Variants in ATRX observed in about 807,000 individuals in gnomAD.
ATRX encodes ATRX chromatin remodeler.
Under a neutral mutation model 172.6 loss-of-function variants are expected in ATRX, and 12 were observed. That is an observed-to-expected ratio of 0.07 (90% CI 0.04 to 0.11). The LOEUF is 0.11. ATRX is among the 10% of genes least tolerant of loss of function. ATRX has a pLI of 1.00. For missense variants in ATRX, 1,368 were observed against 1,767.4 expected (o/e 0.77, Z 4.05); for synonymous variants, 674 against 594.7 (o/e 1.13, Z -1.94).
chrX:77,651,326 C>G (rs1557116751), intron 15 of ATRX, among the ~76,000 whole-genome samples: 1 of 105,818 alleles, frequency 9.5e-6, no homozygotes, highest in Admixed American at 1.0e-4. Context: ...ATATTATTCT[C>G]TCCACCTGTG....
Position 77,656,612 on chromosome X carries a change from C to T in ATRX, c.4162G>A (p.Gly1388Arg). The change falls in exon 13 of 35, where the codon GGA becomes AGA. Residue 1388 changes from glycine (G) to arginine (R), a missense_variant. Physicochemically the swap from Gly to Arg is moderately radical, Grantham distance 125. Around this residue, in one of 17 missense-constraint regions of ATRX, gnomAD observed 119 missense variants for 131.3 expected, o/e 0.91. Transcript: ENST00000373344. ...GATTCACTAACTTCTTCACTAACTC[C>T]TGATTCCTGAAAATCAGAATCTTCT... ...DSEDSDFQES[G>R]VSEEVSESED... 8.3e-7 allele frequency: 1 copy of T among 1,206,913 alleles called. No homozygotes were observed. The highest frequency in any genetic ancestry group is 2.2e-5 in the Admixed American group (1 of 45,929).
chrX:77,719,575 AACAG>A (rs1452814395), intron 1 of ATRX, among the ~76,000 whole-genome samples: 1 of 111,726 alleles, frequency 9.0e-6, no homozygotes, highest in Non-Finnish European at 1.9e-5. Context: ...CAAAGATCAA[AACAG>A]ACAAAGAAGG....
intron 30 of ATRX, among the ~76,000 whole-genome samples, chrX:77,529,325 G>A (rs931070206): frequency 2.7e-5 from 3 of 111,075 alleles, no homozygotes; most frequent in East Asian, 2.8e-4. Flanking sequence ...GATATTCCAC[G>A]AGAAGATCAA....
chrX:77,687,945 G>C (rs1303798763), intron 7 of ATRX, among the ~76,000 whole-genome samples: 1 of 111,513 alleles, frequency 9.0e-6, no homozygotes, highest in African/African-American at 3.3e-5. Flanking sequence ...TAGGTAGGTA[G>C]GTAGTTACTG....
intron 1 of ATRX, among the ~76,000 whole-genome samples, chrX:77,765,511 T>A (rs1041067944): frequency 9.0e-6 from 1 of 111,248 alleles, no homozygotes; most frequent in Non-Finnish European, 1.9e-5. Context: ...ACAGAAGTGT[T>A]ATAAAATACA....
intron 34 of ATRX, among the ~76,000 whole-genome samples, chrX:77,514,618 T>C (rs919086421): frequency 7.1e-5 from 8 of 112,345 alleles, no homozygotes; most frequent in Non-Finnish European, 1.5e-4. Context: ...TCAAGATGCA[T>C]TCAATACTTA....
chrX:77,542,584 T>C (rs2064050575), intron 30 of ATRX, among the ~76,000 whole-genome samples: 1 of 111,692 alleles, frequency 9.0e-6, no homozygotes, highest in South Asian at 3.8e-4. Flanking sequence ...AATGCTCCAG[T>C]AACCAAAACA....
At chrX:77,744,626 A>G (rs2074994726) in intron 1 of ATRX, among the ~76,000 whole-genome samples, 1 of 111,303 alleles carries the variant, frequency 9.0e-6, no homozygotes, top group Non-Finnish European at 1.9e-5. Context: ...AAGTCTGAAA[A>G]CCAATACAAG....
At chrX:77,762,595 G>T (rs1443186024) in intron 1 of ATRX, among the ~76,000 whole-genome samples, 1 of 110,879 alleles carries the variant, frequency 9.0e-6, no homozygotes, top group Non-Finnish European at 1.9e-5. Flanking sequence ...TTGAAAATAT[G>T]ACTTTAAAAA....
intron 2 of ATRX, among the ~76,000 whole-genome samples, chrX:77,708,201 T>C (rs979866073): frequency 5.4e-5 from 6 of 112,012 alleles, no homozygotes; most frequent in East Asian, 2.8e-4. Context: ...AATGGATAAA[T>C]GGATAAACAA....
Position 77,725,393 on chromosome X carries a change from T to A in ATRX, c.21-8150A>T, listed in dbSNP as rs782798033. ...GGGAAAGAATTCCCTATTTAACAAA[T>A]GGTGCTGGGAAAACTGGCTAGCCAT... On this transcript the variant is annotated intron_variant, in intron 1 of 34. Coordinates refer to ENST00000373344, the MANE Select transcript of ATRX (RefSeq NM_000489.6). 7.1e-5 allele frequency among the ~76,000 whole-genome samples: 8 copies of A among 111,985 alleles called. No homozygotes were observed. The South Asian group carries it at 2.6e-3, about 36-fold the overall frequency.
In ATRX at chrX:77,651,854, G is replaced by A. The variant is rs782746168; in HGVS notation, c.4557+260C>T. On this transcript the variant is annotated intron_variant, in intron 15 of 34. Transcript: ENST00000373344. ...AGCCTGGGTAACAGAGCCAGACTCC[G>A]TCTAAAAAAAAGAAATCTGTGGTAG... The A allele has an allele frequency of 8.0e-4, 276 of 346,111 alleles. 1 individual carries two copies. Among genetic ancestry groups the A allele is most frequent in the Non-Finnish European group, 3.8e-4 (76 of 200,066 alleles). 28.5% of individuals were successfully genotyped at this position (346,111 alleles called of 1,213,427 possible).
rs1417605911 is a variant in ATRX, at chrX:77,506,712, G to C, written c.*1639C>G. 1 of 172,524 alleles carries C rather than the reference G, an allele frequency of 5.8e-6. No individual in the cohort carries two copies. The highest frequency in any genetic ancestry group is 3.0e-5 in the African/African-American group (1 of 33,406). The allele number at this position is 172,524 out of a possible 1,213,427, so 14.2% of individuals were successfully genotyped here. On this transcript the variant is annotated 3_prime_UTR_variant, in exon 35 of 35. Coordinates refer to ENST00000373344, the MANE Select transcript of ATRX (RefSeq NM_000489.6). ...CATCATGGGAAAGTGGGGGAGAGGG[G>C]CGTGGATCCACCAAACCTCACAAAT...
chrX:77,578,300 G>T (rs1557071767), intron 27 of ATRX, among the ~76,000 whole-genome samples: 1 of 111,996 alleles, frequency 8.9e-6, no homozygotes, highest in East Asian at 2.8e-4. Context: ...GGGGGCACTT[G>T]ACTTAGTCAG....
intron 27 of ATRX, among the ~76,000 whole-genome samples, chrX:77,582,170 C>T (rs1431617661): frequency 5.4e-5 from 6 of 110,773 alleles, no homozygotes; most frequent in East Asian, 2.8e-4. Context: ...GAGGCTGAGG[C>T]GGGTGGATCA....
chrX:77,766,142 C>G (rs1412778507), intron 1 of ATRX, among the ~76,000 whole-genome samples: 44 of 105,967 alleles, frequency 4.2e-4, no homozygotes, highest in Middle Eastern at 4.8e-3. Flanking sequence ...CCCCACCTTT[C>G]CCCCCTTTCT....
intron 1 of ATRX, among the ~76,000 whole-genome samples, chrX:77,753,313 A>G (rs2148885465): frequency 9.0e-6 from 1 of 111,327 alleles, no homozygotes; most frequent in African/African-American, 3.3e-5. Flanking sequence ...CAGTGGTGAT[A>G]TCCCCTTTAT....
intron 1 of ATRX, among the ~76,000 whole-genome samples, chrX:77,730,219 A>G (rs375149853): frequency 8.0e-5 from 9 of 112,203 alleles, no homozygotes; most frequent in East Asian, 2.8e-4. Flanking sequence ...AGATTTCAAG[A>G]CAAAAACTAT....
intron 8 of ATRX, 107 bp downstream of exon 8, chrX:77,684,832 A>T: frequency 2.5e-6 from 2 of 807,752 alleles, no homozygotes; most frequent in Non-Finnish European, 3.7e-6. Flanking sequence ...ACCTTTCATT[A>T]AAGACATCAA....
Sources: gnomAD v4.1 joint callset for allele counts (sites outside exome capture counted in the v4.1 genomes callset) on GRCh38, gnomAD v4.1.1 for gene constraint, gnomAD v4.1.1 regional missense constraint, MANE v1.5 for transcripts, NCBI Gene and HGNC (gene_info 2026-07-23, HGNC 2026-07-21) for gene names.